Variants in NEBL observed in about 807,000 individuals in gnomAD.
The protein encoded by NEBL is LIM and SH3 protein 2.
NEBL carries 122 observed loss-of-function variants against 140.2 expected under a neutral mutation model. The ratio of observed to expected loss-of-function variants is 0.87; its 90% CI spans 0.75 to 1.01. NEBL has a LOEUF of 1.01. Among genes scored for constraint, NEBL ranks in the 50% least tolerant of loss-of-function variants. NEBL has a pLI of 0.00. For missense variants in NEBL, 1,365 were observed against 1,231.3 expected (o/e 1.11, Z -1.62); for synonymous variants, 436 against 398.9 (o/e 1.09, Z -1.11).
chr10:20,965,413 G>C (rs1322319137), intron 3 of NEBL, among the ~76,000 whole-genome samples: 1 of 152,234 alleles, frequency 6.6e-6, no homozygotes, highest in Non-Finnish European at 1.5e-5. Context: ...AGGCCTCAAA[G>C]AGGGAGGAAG....
chr10:20,796,795 T>C (rs911746347), intron 26 of NEBL, among the ~76,000 whole-genome samples: 30 of 152,214 alleles, frequency 2.0e-4, no homozygotes, highest in African/African-American at 6.8e-4. Context: ...ACCACAAATA[T>C]AAGCAGGATT....
intron 10 of NEBL, among the ~76,000 whole-genome samples, chr10:20,851,124 T>C (rs1842462467): frequency 6.6e-6 from 1 of 152,200 alleles, no homozygotes; most frequent in Non-Finnish European, 1.5e-5. Flanking sequence ...ATGAGTGATA[T>C]TTTTTATCTT....
chr10:21,048,989 G>A (rs1470800919), intron 2 of NEBL, among the ~76,000 whole-genome samples: 3 of 152,070 alleles, frequency 2.0e-5, no homozygotes, highest in Non-Finnish European at 4.4e-5. Context: ...CAGCCTGGAT[G>A]ACAGAGAGAG....
chr10:21,250,492 C>T (rs1031090823), intron 2 of NEBL, among the ~76,000 whole-genome samples: 3 of 152,108 alleles, frequency 2.0e-5, no homozygotes, highest in Non-Finnish European at 4.4e-5. Context: ...AATAAACCAC[C>T]CTTTATATAT....
intron 2 of NEBL, among the ~76,000 whole-genome samples, chr10:21,121,679 A>G (rs1157290118): frequency 6.6e-6 from 1 of 152,206 alleles, no homozygotes; most frequent in African/African-American, 2.4e-5. Flanking sequence ...TCACAACTTC[A>G]GTATCTGAAA....
intron 26 of NEBL, among the ~76,000 whole-genome samples, chr10:20,802,844 A>T (rs1190328356): frequency 6.6e-6 from 1 of 152,222 alleles, no homozygotes; most frequent in African/African-American, 2.4e-5. Flanking sequence ...ACACATTCTT[A>T]CACATAGAAA....
chr10:21,245,788 T>C (rs913772410), intron 3 of NEBL, among the ~76,000 whole-genome samples: 2 of 152,178 alleles, frequency 1.3e-5, no homozygotes, highest in Non-Finnish European at 2.9e-5. Flanking sequence ...CTCCACCTCC[T>C]GGGTTCACAC....
intron 4 of NEBL, among the ~76,000 whole-genome samples, chr10:20,882,946 G>A (rs1464845336): frequency 6.6e-6 from 1 of 152,102 alleles, no homozygotes; most frequent in Non-Finnish European, 1.5e-5. Flanking sequence ...CTTATGAAAA[G>A]AGCCTATTTC....
chr10:20,946,007 C>T (rs765450256), intron 4 of NEBL, among the ~76,000 whole-genome samples: 1 of 151,478 alleles, frequency 6.6e-6, no homozygotes, highest in Non-Finnish European at 1.5e-5. Flanking sequence ...AGTGAAATAA[C>T]AAACATGAAA....
At chr10:20,789,239 T>G (rs2131628116) in intron 26 of NEBL, among the ~76,000 whole-genome samples, 1 of 152,292 alleles carries the variant, frequency 6.6e-6, no homozygotes, top group South Asian at 2.1e-4. Context: ...AATTACTACT[T>G]GAATCTATTT....
chr10:21,153,742 C>G (rs1419315700), intron 2 of NEBL, among the ~76,000 whole-genome samples: 1 of 152,054 alleles, frequency 6.6e-6, no homozygotes. Flanking sequence ...TCTCGAACTC[C>G]TGACCTCGTG....
intron 4 of NEBL, among the ~76,000 whole-genome samples, chr10:20,906,842 C>A (rs371488895): frequency 1.2e-4 from 18 of 152,204 alleles, no homozygotes; most frequent in African/African-American, 3.9e-4. Flanking sequence ...ACAAAACCAA[C>A]AAAAATCTCT....
intron 26 of NEBL, among the ~76,000 whole-genome samples, chr10:20,805,963 TA>T (rs894336885): frequency 1.1e-4 from 17 of 151,380 alleles, no homozygotes; most frequent in South Asian, 2.1e-4. Flanking sequence ...ATTCCTCCTT[TA>T]AAAAAAAATA....
chr10:20,798,694 A>G (rs553294703), intron 26 of NEBL, among the ~76,000 whole-genome samples: 103 of 152,314 alleles, frequency 6.8e-4, no homozygotes, highest in African/African-American at 2.2e-3. Flanking sequence ...CTTCCTGAAG[A>G]TCAAAACTTC....
intron 2 of NEBL, among the ~76,000 whole-genome samples, chr10:21,139,026 A>C (rs893317011): frequency 8.5e-5 from 13 of 152,188 alleles, no homozygotes; most frequent in Non-Finnish European, 1.5e-5. Context: ...GTTCATTTGT[A>C]ATTTAGCCTT....
intron 10 of NEBL, among the ~76,000 whole-genome samples, chr10:20,852,344 T>C (rs1054579676): frequency 2.0e-5 from 3 of 152,170 alleles, no homozygotes; most frequent in Admixed American, 6.5e-5. Flanking sequence ...TAGATTGAAA[T>C]ATGGTTCAAG....
At position 21,095,527 on chromosome 10, in the gene NEBL, T is replaced by C. The variant is rs78605337; in HGVS notation, c.165-75326A>G. 1.6e-3 allele frequency among the ~76,000 whole-genome samples: 251 copies of C among 152,346 alleles called. 9 individuals carry two copies. In the East Asian group the frequency reaches 0.043, roughly 26 times the overall value. ...TTAAAACCAAATCACTAAACTGCTA[T>C]TTAAACTGTTAAGCTTAAGGATTTT... On this transcript the variant is annotated intron_variant, in intron 2 of 6. Transcript: ENST00000417816.
At chr10:20,835,065 T>C (rs1840744212) in intron 14 of NEBL, among the ~76,000 whole-genome samples, 1 of 152,206 alleles carries the variant, frequency 6.6e-6, no homozygotes, top group Non-Finnish European at 1.5e-5. Context: ...CAACAAAGGC[T>C]ATTTTAAGAA....
rs115235780 is a variant in NEBL, at chr10:20,907,837, T to A, written c.357+53835A>T. ...GCCCTGACAGAGCCAGCACAATTGG[T>A]ACTTTAAAACTGCTGGAATCTTGAA... is the stretch of plus-strand genomic sequence containing the variant. On this transcript the variant is annotated intron_variant, in intron 4 of 6. Coordinates refer to the NEBL transcript ENST00000417816. Among the ~76,000 whole-genome samples, 623 of 152,338 alleles carry A rather than the reference T, an allele frequency of 4.1e-3. 5 individuals are homozygous for A. Among genetic ancestry groups the A allele is most frequent in the African/African-American group, 0.014 (583 of 41,574 alleles).
Sources: allele counts gnomAD v4.1 joint callset (sites outside exome capture counted in the v4.1 genomes callset), GRCh38; gene constraint gnomAD v4.1.1; transcripts MANE v1.5; gene names NCBI Gene and HGNC (gene_info 2026-07-23, HGNC 2026-07-21).